Variants in RNF180 observed in about 807,000 individuals in gnomAD.
RNF180 encodes the protein ring finger protein 180.
Under a neutral mutation model 59.2 loss-of-function variants are expected in RNF180, and 38 were observed. The observed-to-expected ratio is 0.64, with a 90% CI of 0.50 to 0.84. The LOEUF (loss-of-function observed/expected upper bound fraction) is 0.84, where lower values mean the gene tolerates loss of function less well. Among genes scored for constraint, RNF180 ranks in the 40% least tolerant of loss-of-function variants. The probability of loss-of-function intolerance (pLI) is 0.00; values close to 1 mark genes in which losing one functional copy is unlikely to be tolerated. For missense variants in RNF180, 705 were observed against 700.9 expected (o/e 1.01, Z -0.07); for synonymous variants, 262 against 240.3 (o/e 1.09, Z -0.84).
intron 7 of RNF180, among the ~76,000 whole-genome samples, chr5:64,354,964 C>T (rs903929254): frequency 4.0e-5 from 6 of 151,834 alleles, no homozygotes; most frequent in African/African-American, 1.4e-4. Context: ...CTAGCTAACA[C>T]CACACATTTG....
intron 5 of RNF180, among the ~76,000 whole-genome samples, chr5:64,243,489 C>T (rs775387181): frequency 6.6e-6 from 1 of 152,190 alleles, no homozygotes; most frequent in Non-Finnish European, 1.5e-5. Context: ...CTGGGTGGGG[C>T]TCACTGCAGC....
chr5:64,193,530 GT>G (rs1554029102), intron 1 of RNF180, among the ~76,000 whole-genome samples: 1 of 152,110 alleles, frequency 6.6e-6, no homozygotes, highest in Non-Finnish European at 1.5e-5. Context: ...GTTTTGAGAG[GT>G]TCTCAGCATT....
intron 5 of RNF180, among the ~76,000 whole-genome samples, chr5:64,265,079 T>C (rs2112331244): frequency 6.6e-6 from 1 of 152,264 alleles, no homozygotes; most frequent in East Asian, 1.9e-4. Context: ...AGGTTGTTTG[T>C]TTTTTCTTGT....
chr5:64,261,325 C>T (rs1038457301), intron 5 of RNF180, among the ~76,000 whole-genome samples: 5 of 152,146 alleles, frequency 3.3e-5, no homozygotes, highest in Middle Eastern at 3.2e-3. Context: ...CCTAACAAGG[C>T]TTAATTTCAT....
chr5:64,351,050 G>T (rs1269085553), intron 7 of RNF180, among the ~76,000 whole-genome samples: 1 of 151,858 alleles, frequency 6.6e-6, no homozygotes, highest in Non-Finnish European at 1.5e-5. Flanking sequence ...AGCATGGAAT[G>T]TTCTTCCATT....
At chr5:64,297,895 A>AT (rs1377977920) in intron 5 of RNF180, among the ~76,000 whole-genome samples, 1 of 151,870 alleles carries the variant, frequency 6.6e-6, no homozygotes, top group East Asian at 1.9e-4. Flanking sequence ...ATAAAAGGAT[A>AT]TTTTCTCTTT....
At chr5:64,301,780 C>T (rs1185651851) in intron 5 of RNF180, among the ~76,000 whole-genome samples, 1 of 151,202 alleles carries the variant, frequency 6.6e-6, no homozygotes, top group African/African-American at 2.4e-5. Flanking sequence ...GTCATGGGAG[C>T]ACCAAATGAT....
intron 5 of RNF180, among the ~76,000 whole-genome samples, chr5:64,278,379 G>A (rs1212536363): frequency 1.3e-5 from 2 of 152,140 alleles, no homozygotes; most frequent in African/African-American, 4.8e-5. Flanking sequence ...GACACAGACA[G>A]CAAGCTCTTC....
chr5:64,234,578 C>CTTTT lies in RNF180; in HGVS notation c.1227+17218_1227+17221dup, dbSNP rs1171637074. ...GCTTTCCAAATGGCAGTTACCCGTT[C>CTTTT]TTTTTTTTTTTTTTTTTTTTTTTTT... is the stretch of plus-strand genomic sequence containing the variant. On this transcript the variant is annotated intron_variant, in intron 5 of 7. Coordinates refer to ENST00000389100, the MANE Select transcript of RNF180 (RefSeq NM_001113561.2). 2.1e-3 allele frequency among the ~76,000 whole-genome samples: 104 copies of CTTTT among 48,524 alleles called. 32 individuals are homozygous for CTTTT. The highest frequency in any genetic ancestry group is 5.8e-3 in the South Asian group (6 of 1,030). 31.8% of individuals were successfully genotyped at this position (48,524 alleles called of 152,430 possible).
intron 2 of RNF180, among the ~76,000 whole-genome samples, chr5:64,201,473 T>C (rs1751744684): frequency 6.6e-6 from 1 of 152,222 alleles, no homozygotes; most frequent in African/African-American, 2.4e-5. Flanking sequence ...TAAAAATTTC[T>C]TCTCTAAGAG....
rs577204492 is a variant in RNF180 at position 64,172,708 on chromosome 5, C to T, written c.-1+6755C>T. 2.6e-5 allele frequency among the ~76,000 whole-genome samples: 4 copies of T among 152,266 alleles called. 1 individual carries two copies. Among genetic ancestry groups the T allele is most frequent in the African/African-American group, 7.2e-5 (3 of 41,534 alleles). On this transcript the variant is annotated intron_variant, in intron 1 of 7. Transcript: ENST00000389100. ...ACTCTTAGGATGCCTCCTCAGTGCA[C>T]GAACAAAGAGGTCCTCCGTGTATTG... is the stretch of plus-strand genomic sequence containing the variant.
chr5:64,282,546 G>T (rs957562013), intron 5 of RNF180, among the ~76,000 whole-genome samples: 1 of 152,000 alleles, frequency 6.6e-6, no homozygotes, highest in Admixed American at 6.6e-5. Context: ...ATTCAGTTCA[G>T]CTCTGATTTT....
intron 5 of RNF180, among the ~76,000 whole-genome samples, chr5:64,291,211 G>A (rs1435266346): frequency 6.6e-6 from 1 of 152,098 alleles, no homozygotes. Flanking sequence ...CTGTTACTCT[G>A]ATGGGTTTCC....
intron 5 of RNF180, among the ~76,000 whole-genome samples, chr5:64,311,768 T>A (rs567605485): frequency 1.1e-4 from 17 of 152,134 alleles, no homozygotes; most frequent in South Asian, 2.1e-4. Flanking sequence ...CTCCTGATTC[T>A]CCATTAGAAA....
At chr5:64,202,445 A>T (rs1475014705) in intron 2 of RNF180, among the ~76,000 whole-genome samples, 2 of 152,186 alleles carry the variant, frequency 1.3e-5, no homozygotes, top group African/African-American at 4.8e-5. Flanking sequence ...TAAAACTGCT[A>T]TCAAAATTTT....
chr5:64,369,596 A>T lies in RNF180; in HGVS notation c.1580-19A>T. On this transcript the variant is annotated intron_variant, in intron 7 of 7. Coordinates refer to ENST00000389100, the MANE Select transcript of RNF180 (RefSeq NM_001113561.2). The stretch of plus-strand genomic sequence containing the variant: ...TAGCTTGAATTTAATGGGCTTTAAT[A>T]TGTTCATACATCTTCTAGGTTTCCG... 6.9e-7 allele frequency: 1 copy of T among 1,444,780 alleles called. No individual in the cohort carries two copies. Among genetic ancestry groups the T allele is most frequent in the African/African-American group, 1.4e-5 (1 of 69,380 alleles). The allele number at this position is 1,444,780 out of a possible 1,614,324, so 89.5% of individuals were successfully genotyped here.
intron 2 of RNF180, among the ~76,000 whole-genome samples, chr5:64,201,948 T>G (rs776075559): frequency 6.6e-6 from 1 of 152,112 alleles, no homozygotes; most frequent in Non-Finnish European, 1.5e-5. Context: ...ACCATATTGG[T>G]CAGGCTGGTC....
chr5:64,208,864 CAAATG>C, intron 2 of RNF180, among the ~76,000 whole-genome samples: 1 of 151,718 alleles, frequency 6.6e-6, no homozygotes, highest in Admixed American at 6.6e-5. Context: ...TATTTTTTCT[CAAATG>C]AAGGAGGTTG....
intron 5 of RNF180, among the ~76,000 whole-genome samples, chr5:64,295,143 A>T (rs1318863192): frequency 6.6e-6 from 1 of 152,210 alleles, no homozygotes; most frequent in African/African-American, 2.4e-5. Flanking sequence ...CATTATGTGA[A>T]TATACTACAG....
Sources: allele counts gnomAD v4.1 joint callset (sites outside exome capture counted in the v4.1 genomes callset), GRCh38; gene constraint gnomAD v4.1.1; transcripts MANE v1.5; gene names NCBI Gene and HGNC (gene_info 2026-07-23, HGNC 2026-07-21).